Variants in DLGAP2 observed in about 807,000 individuals in gnomAD.
The protein encoded by DLGAP2 is disks large-associated protein 2.
Under a neutral mutation model 100.3 loss-of-function variants are expected in DLGAP2, and 26 were observed. That is an observed-to-expected ratio of 0.26 (90% CI 0.19 to 0.36). DLGAP2 has a LOEUF of 0.36. Among genes scored for constraint, DLGAP2 ranks in the 10% least tolerant of loss-of-function variants. The pLI is 1.00. For missense variants in DLGAP2, 1,858 were observed against 1,453.2 expected, an observed-to-expected ratio of 1.28 and a Z score of -4.53; for synonymous variants, 886 against 630.1, an observed-to-expected ratio of 1.41 and a Z score of -6.08.
At chr8:1,033,157 T>G (rs1412624255) in intron 2 of DLGAP2, among the ~76,000 whole-genome samples, 1 of 152,020 alleles carries the variant, frequency 6.6e-6, no homozygotes, top group Non-Finnish European at 1.5e-5. Context: ...GACCTTCCTC[T>G]GCACAGACAG....
At chr8:1,640,300 G>T (rs561501469) in intron 8 of DLGAP2, among the ~76,000 whole-genome samples, 1 of 149,678 alleles carries the variant, frequency 6.7e-6, no homozygotes, top group Non-Finnish European at 1.5e-5. Flanking sequence ...GTGCTGCCCC[G>T]TGGGTCCTCA....
chr8:768,205 G>A (rs1821263818), intron 1 of DLGAP2, among the ~76,000 whole-genome samples: 1 of 152,094 alleles, frequency 6.6e-6, no homozygotes, highest in Non-Finnish European at 1.5e-5. Flanking sequence ...GGCCGGGGAG[G>A]CACTGCCACA....
chr8:786,886 C>T (rs1266297882), intron 1 of DLGAP2, among the ~76,000 whole-genome samples: 1 of 152,020 alleles, frequency 6.6e-6, no homozygotes, highest in African/African-American at 2.4e-5. Context: ...TTGAAAGAGC[C>T]TTCAGCTCAC....
In DLGAP2 at chr8:1,516,313, GA is replaced by G. The variant is rs769261214; in HGVS notation, c.172+14883del. Among the ~76,000 whole-genome samples the G allele has an allele frequency of 2.2e-4, 33 of 152,220 alleles. No homozygotes were observed. The East Asian group carries it at 2.3e-3, about 11-fold the overall frequency. ...TGCATGAATGAGTGAGTGAATGAGG[GA>G]GGGAGGGAGTGAATGAGTTCATGAA... On this transcript the variant is annotated intron_variant, in intron 4 of 14. Coordinates refer to ENST00000637795, the MANE Select transcript of DLGAP2 (RefSeq NM_001346810.2).
At chr8:1,585,835 A>G (rs1322008824) in intron 6 of DLGAP2, among the ~76,000 whole-genome samples, 1 of 152,198 alleles carries the variant, frequency 6.6e-6, no homozygotes, top group Non-Finnish European at 1.5e-5. Context: ...GAGCTAACAC[A>G]CGTAATTGTG....
intron 2 of DLGAP2, among the ~76,000 whole-genome samples, chr8:1,075,520 G>C (rs894529328): frequency 1.1e-4 from 17 of 152,116 alleles, no homozygotes; most frequent in African/African-American, 3.6e-4. Flanking sequence ...TTCATCCCCT[G>C]CAGGGGAGAT....
intron 3 of DLGAP2, among the ~76,000 whole-genome samples, chr8:1,315,365 G>A (rs1406070727): frequency 2.7e-4 from 38 of 139,432 alleles, no homozygotes; most frequent in African/African-American, 9.6e-4. Flanking sequence ...GAGCCTATGC[G>A]AGTGCAGCGT....
chr8:1,487,614 G>A (rs995637612), intron 3 of DLGAP2, among the ~76,000 whole-genome samples: 1 of 152,178 alleles, frequency 6.6e-6, no homozygotes, highest in Non-Finnish European at 1.5e-5. Flanking sequence ...GATAACACGA[G>A]TCACTCTCCC....
At chr8:1,364,407 CCTGG>C (rs1385179837) in intron 3 of DLGAP2, among the ~76,000 whole-genome samples, 1 of 145,502 alleles carries the variant, frequency 6.9e-6, no homozygotes, top group Admixed American at 6.7e-5. Context: ...TGTGGGCAGG[CCTGG>C]GGGCCTCCTC....
At chr8:1,003,661 A>G (rs1379430308) in intron 2 of DLGAP2, among the ~76,000 whole-genome samples, 1 of 152,094 alleles carries the variant, frequency 6.6e-6, no homozygotes, top group African/African-American at 2.4e-5. Flanking sequence ...TGGAGATTTG[A>G]CTGGGCAGTC....
intron 3 of DLGAP2, among the ~76,000 whole-genome samples, chr8:1,383,055 G>T (rs1051635561): frequency 1.3e-5 from 2 of 152,214 alleles, no homozygotes; most frequent in Non-Finnish European, 2.9e-5. Context: ...AGGATCTTTG[G>T]ACGTAAGTAT....
intron 1 of DLGAP2, among the ~76,000 whole-genome samples, chr8:849,532 G>C (rs1459815192): frequency 6.6e-6 from 1 of 152,200 alleles, no homozygotes; most frequent in Non-Finnish European, 1.5e-5. Flanking sequence ...CTGCCAAGCT[G>C]CTTTCCAAAC....
chr8:932,787 A>C (rs1486478596), intron 2 of DLGAP2, among the ~76,000 whole-genome samples: 1 of 152,152 alleles, frequency 6.6e-6, no homozygotes, highest in African/African-American at 2.4e-5. Context: ...TAACTTTTCT[A>C]TATGTCTGAA....
In DLGAP2 at chr8:877,507, C is replaced by T. The variant is rs144616901; in HGVS notation, c.19-30405C>T. 2.8e-4 allele frequency among the ~76,000 whole-genome samples: 43 copies of T among 152,338 alleles called. 1 individual carries two copies. The highest frequency in any genetic ancestry group is 9.9e-4 in the African/African-American group (41 of 41,570). On this transcript the variant is annotated intron_variant, in intron 1 of 14. Coordinates refer to ENST00000637795, the MANE Select transcript of DLGAP2 (RefSeq NM_001346810.2). ...CCCTGACCCAGGCAGCTATTAAACG[C>T]CACTAATTGCTGCTGATTGCAATTG...
chr8:1,098,937 G>A (rs1804490859), intron 2 of DLGAP2, among the ~76,000 whole-genome samples: 1 of 152,190 alleles, frequency 6.6e-6, no homozygotes, highest in Admixed American at 6.5e-5. Context: ...TTTACCAAAT[G>A]TGTTGCTAAA....
At chr8:1,615,039 T>C (rs1161145235) in intron 6 of DLGAP2, among the ~76,000 whole-genome samples, 1 of 152,248 alleles carries the variant, frequency 6.6e-6, no homozygotes, top group Non-Finnish European at 1.5e-5. Flanking sequence ...AGCAGACAGC[T>C]GCAGTCTCCT....
At chr8:1,360,744 C>G (rs936683663) in intron 3 of DLGAP2, among the ~76,000 whole-genome samples, 4 of 152,308 alleles carry the variant, frequency 2.6e-5, no homozygotes, top group Middle Eastern at 3.4e-3. Flanking sequence ...AGCTTCCAAA[C>G]TCCTGTTTGA....
At chr8:1,252,110 A>G (rs866769381) in intron 2 of DLGAP2, among the ~76,000 whole-genome samples, 2 of 111,256 alleles carry the variant, frequency 1.8e-5, no homozygotes, top group South Asian at 5.3e-4. Flanking sequence ...CACGGTGTCA[A>G]AGTCATGTCA....
intron 3 of DLGAP2, among the ~76,000 whole-genome samples, chr8:1,372,688 TGGAC>T (rs1802274240): frequency 6.6e-6 from 1 of 152,202 alleles, no homozygotes; most frequent in Admixed American, 6.5e-5. Context: ...AAGTTGGACA[TGGAC>T]GGCGTGGGCT....
Sources: allele counts gnomAD v4.1 joint callset (sites outside exome capture counted in the v4.1 genomes callset), GRCh38; gene constraint gnomAD v4.1.1; transcripts MANE v1.5; gene names NCBI Gene and HGNC (gene_info 2026-07-23, HGNC 2026-07-21).